Variants in PCCA observed in about 807,000 individuals in gnomAD.
The protein encoded by PCCA is propionyl-CoA carboxylase subunit alpha.
PCCA carries 74 observed loss-of-function variants against 101.3 expected under a neutral mutation model. The observed-to-expected ratio is 0.73, with a 90% CI of 0.61 to 0.89. The LOEUF is 0.89. Among genes scored for constraint, PCCA ranks in the 40% least tolerant of loss-of-function variants. The pLI, the probability that PCCA is intolerant of heterozygous loss-of-function variation, is 0.00. For synonymous variants in PCCA, 294 were observed against 313.6 expected, an observed-to-expected ratio of 0.94 and a Z score of 0.66; for missense variants, 891 against 907.0, an observed-to-expected ratio of 0.98 and a Z score of 0.23.
chr13:100,112,322 A>G (rs1327261898), intron 4 of PCCA, among the ~76,000 whole-genome samples: 1 of 152,192 alleles, frequency 6.6e-6, no homozygotes, highest in Non-Finnish European at 1.5e-5. Flanking sequence ...GATTTAAGCA[A>G]AGCATGAGAA....
intron 6 of PCCA, among the ~76,000 whole-genome samples, chr13:100,197,852 G>A (rs909075505): frequency 6.6e-6 from 1 of 152,170 alleles, no homozygotes; most frequent in African/African-American, 2.4e-5. Flanking sequence ...ACTCTTTGGA[G>A]TCCAGATACT....
chr13:100,328,689 A>ATTTTTTTT (rs757599001), intron 16 of PCCA, among the ~76,000 whole-genome samples: 17 of 98,214 alleles, frequency 1.7e-4, no homozygotes, highest in South Asian at 8.8e-4. Flanking sequence ...GTTGAGGTTA[A>ATTTTTTTT]TTTTTTTTTT....
At chr13:100,349,554 C>T (rs1043164772) in intron 18 of PCCA, among the ~76,000 whole-genome samples, 7 of 152,192 alleles carry the variant, frequency 4.6e-5, no homozygotes, top group Admixed American at 1.3e-4. Flanking sequence ...TGAGCCACCA[C>T]GCCCGGCCAC....
intron 21 of PCCA, among the ~76,000 whole-genome samples, chr13:100,496,477 T>C (rs1216157710): frequency 6.6e-6 from 1 of 152,122 alleles, no homozygotes; most frequent in Non-Finnish European, 1.5e-5. Context: ...AGGTTGTTAC[T>C]CATTTTTGGC....
intron 6 of PCCA, among the ~76,000 whole-genome samples, chr13:100,190,940 C>G (rs1360435637): frequency 6.6e-6 from 1 of 151,690 alleles, no homozygotes; most frequent in Admixed American, 6.6e-5. Flanking sequence ...ACTAAAAATA[C>G]AAAAAAATTA....
At chr13:100,446,263 C>G (rs749742824) in intron 20 of PCCA, among the ~76,000 whole-genome samples, 7 of 152,258 alleles carry the variant, frequency 4.6e-5, no homozygotes, top group Non-Finnish European at 8.8e-5. Context: ...CTCCTGACCT[C>G]AAATGATCCA....
intron 19 of PCCA, among the ~76,000 whole-genome samples, chr13:100,403,274 T>G (rs1366268042): frequency 6.6e-6 from 1 of 152,122 alleles, no homozygotes; most frequent in African/African-American, 2.4e-5. Flanking sequence ...AGTTGGGGGT[T>G]GGGAAGGGCC....
At chr13:100,481,626 A>G (rs2083943588) in intron 21 of PCCA, among the ~76,000 whole-genome samples, 1 of 152,130 alleles carries the variant, frequency 6.6e-6, no homozygotes, top group South Asian at 2.1e-4. Context: ...ATGGCCACTA[A>G]GTGACTGGTT....
At chr13:100,413,935 A>G (rs2078202899) in intron 19 of PCCA, among the ~76,000 whole-genome samples, 1 of 152,278 alleles carries the variant, frequency 6.6e-6, no homozygotes, top group African/African-American at 2.4e-5. Flanking sequence ...TCCAAAAGAA[A>G]CTACTACTAT....
intron 21 of PCCA, among the ~76,000 whole-genome samples, chr13:100,450,337 T>C (rs1392346502): frequency 6.6e-6 from 1 of 151,550 alleles, no homozygotes; most frequent in Non-Finnish European, 1.5e-5. Flanking sequence ...GAGGTTGCAG[T>C]GAGCCACGAT....
At chr13:100,284,851 G>A (rs572420971) in intron 12 of PCCA, among the ~76,000 whole-genome samples, 9 of 152,172 alleles carry the variant, frequency 5.9e-5, no homozygotes, top group Admixed American at 3.3e-4. Context: ...AGCCCTCATC[G>A]GTTTGGTCAG....
At chr13:100,146,103 C>G (rs1328515403) in intron 4 of PCCA, among the ~76,000 whole-genome samples, 1 of 150,264 alleles carries the variant, frequency 6.7e-6, no homozygotes, top group Non-Finnish European at 1.5e-5. Flanking sequence ...CCACACTCGG[C>G]TAATTTTTTG....
At chr13:100,298,350 G>A (rs911438743) in intron 12 of PCCA, among the ~76,000 whole-genome samples, 4 of 152,104 alleles carry the variant, frequency 2.6e-5, no homozygotes, top group African/African-American at 9.7e-5. Context: ...CTAATGACAA[G>A]AGTCTTTCCT....
chr13:100,205,231 G>A (rs538088492), intron 6 of PCCA, among the ~76,000 whole-genome samples: 4 of 152,236 alleles, frequency 2.6e-5, no homozygotes, highest in African/African-American at 9.6e-5. Flanking sequence ...TTTATTCTAA[G>A]TCACACCGCT....
intron 1 of PCCA, among the ~76,000 whole-genome samples, chr13:100,092,203 A>G (rs985402971): frequency 6.6e-6 from 1 of 152,206 alleles, no homozygotes; most frequent in Non-Finnish European, 1.5e-5. Context: ...GGCATGAGCC[A>G]CCGAGCCCAA....
intron 4 of PCCA, among the ~76,000 whole-genome samples, chr13:100,117,293 A>G (rs2048881171): frequency 6.6e-6 from 1 of 152,220 alleles, no homozygotes; most frequent in Non-Finnish European, 1.5e-5. Flanking sequence ...TTAGAAAAGT[A>G]GTACCAGTAT....
chr13:100,292,151 AG>A (rs1287974317), intron 12 of PCCA, among the ~76,000 whole-genome samples: 2 of 152,202 alleles, frequency 1.3e-5, no homozygotes, highest in African/African-American at 4.8e-5. Flanking sequence ...CATGAGCTTT[AG>A]GGAAGTCTGT....
intron 20 of PCCA, among the ~76,000 whole-genome samples, chr13:100,438,558 T>C (rs1355428292): frequency 6.6e-6 from 1 of 152,150 alleles, no homozygotes; most frequent in Non-Finnish European, 1.5e-5. Flanking sequence ...ACACAAATTA[T>C]AGGCAGTGAC....
At chr13:100,168,570 C>A (rs907291840) in intron 6 of PCCA, among the ~76,000 whole-genome samples, 3 of 152,188 alleles carry the variant, frequency 2.0e-5, no homozygotes, top group Non-Finnish European at 4.4e-5. Flanking sequence ...GAATTATTAG[C>A]TGTTACTTAT....
Sources: gnomAD v4.1 joint callset for allele counts (sites outside exome capture counted in the v4.1 genomes callset) on GRCh38, gnomAD v4.1.1 for gene constraint, MANE v1.5 for transcripts, NCBI Gene and HGNC (gene_info 2026-07-23, HGNC 2026-07-21) for gene names.